The following EIF4G3 variants were observed in gnomAD, a reference collection of about 807,000 sequenced individuals.
The protein encoded by EIF4G3 is eukaryotic translation initiation factor 4 gamma 3.
EIF4G3 carries 34 observed loss-of-function variants against 186.4 expected under a neutral mutation model. That is an observed-to-expected ratio of 0.18 (90% CI 0.14 to 0.24). The LOEUF is 0.24. EIF4G3 is among the 10% of genes least tolerant of loss of function. EIF4G3 has a pLI of 1.00. For missense variants in EIF4G3, 1,536 were observed against 1,948.5 expected, an observed-to-expected ratio of 0.79 and a Z score of 3.99; for synonymous variants, 673 against 679.5, an observed-to-expected ratio of 0.99 and a Z score of 0.15.
chr1:21,043,137 A>G (rs561303383), intron 4 of EIF4G3, among the ~76,000 whole-genome samples: 10 of 152,164 alleles, frequency 6.6e-5, no homozygotes, highest in Non-Finnish European at 1.3e-4. Flanking sequence ...AATAAACAAG[A>G]GTCTCCCAGG....
chr1:20,864,620 T>C lies in EIF4G3; in HGVS notation c.2862A>G (p.Glu954=). The change falls in exon 22 of 37, where the codon GAA becomes GAG. Residue 954 remains glutamate (E), a synonymous_variant. Coordinates refer to ENST00000602326, the MANE Select transcript of EIF4G3 (RefSeq NM_001391906.1). ...RSIGNIKFIG[E]LFKLKMLTEA... is the part of the protein sequence containing the mutation. ...CAGTCAGCATTTTGAGTTTAAAGAGTTCTCCAATAAACTTGATGTTGCCAA... is the reference window on the plus strand; with the variant it reads ...CAGTCAGCATTTTGAGTTTAAAGAGCTCTCCAATAAACTTGATGTTGCCAA... 1 of 1,614,080 alleles carries C rather than the reference T, an allele frequency of 6.2e-7. No individual in the cohort carries two copies. The highest frequency in any genetic ancestry group is 8.5e-7 in the Non-Finnish European group (1 of 1,180,000).
chr1:20,969,918 T>TTTAAGTATATATATATAAGTATATATA (rs1347972570), intron 11 of EIF4G3, among the ~76,000 whole-genome samples: 71 of 152,354 alleles, frequency 4.7e-4, no homozygotes, highest in Non-Finnish European at 1.0e-3. Flanking sequence ...CATACAAGTT[T>TTTAAGTATATATATATAAGTATATATA]CATAAAATAC....
At chr1:20,862,006 A>G (rs559614013) in intron 23 of EIF4G3, among the ~76,000 whole-genome samples, 5 of 152,240 alleles carry the variant, frequency 3.3e-5, no homozygotes, top group Admixed American at 1.3e-4. Flanking sequence ...CAAAATTGCA[A>G]TATGGTTTGA....
intron 2 of EIF4G3, among the ~76,000 whole-genome samples, chr1:21,147,572 C>G (rs916838367): frequency 1.5e-4 from 23 of 152,006 alleles, no homozygotes; most frequent in Admixed American, 1.3e-3. Context: ...ACCTCGTGAT[C>G]TGCCCACCTC....
In EIF4G3 at chr1:20,817,445, T is replaced by C. The variant is rs1408362348; in HGVS notation, c.4462A>G (p.Lys1488Glu). ...SAEELYKRLEKLIIEDKANDE... is the reference protein window; with the variant it reads ...SAEELYKRLEELIIEDKANDE... ...TTCGCTTTGTCCTCAATAATGAGTT[T>C]CTCGAGTCGCTTATACAGCTCTTCG... Residue 1488 changes from lysine to glutamate, a missense_variant, in exon 34 of 37, where the codon AAA (lysine) becomes GAA (glutamate). Around this residue, in one of 11 missense-constraint regions of EIF4G3, gnomAD observed 395 missense variants for 498.9 expected, o/e 0.79. Coordinates refer to ENST00000602326, the MANE Select transcript of EIF4G3 (RefSeq NM_001391906.1). The C allele has an allele frequency of 1.9e-6, 3 of 1,609,752 alleles. No individual in the cohort carries two copies. Among genetic ancestry groups the C allele is most frequent in the Non-Finnish European group, 2.5e-6 (3 of 1,177,578 alleles).
intron 20 of EIF4G3, among the ~76,000 whole-genome samples, chr1:20,872,701 T>A (rs2079548475): frequency 6.8e-6 from 1 of 146,652 alleles, no homozygotes. Flanking sequence ...TAGACTTTTA[T>A]AACTTTCTTG....
chr1:20,998,933 C>T (rs1376058092), intron 6 of EIF4G3: 4 of 281,644 alleles, frequency 1.4e-5, no homozygotes, highest in Non-Finnish European at 1.5e-5. Context: ...CTTAACACTA[C>T]AGATGAATTA....
intron 2 of EIF4G3, among the ~76,000 whole-genome samples, chr1:21,103,218 T>C (rs1287432028): frequency 6.6e-6 from 1 of 152,172 alleles, no homozygotes; most frequent in Admixed American, 6.5e-5. Context: ...AGCTGAACTC[T>C]ACTCCTATAC....
At chr1:21,097,891 TG>T (rs1302547194) in intron 2 of EIF4G3, among the ~76,000 whole-genome samples, 8 of 152,076 alleles carry the variant, frequency 5.3e-5, no homozygotes, top group African/African-American at 1.9e-4. Flanking sequence ...ACTGTTATCT[TG>T]GATTAGGCCA....
At chr1:20,839,556 G>A (rs1280477679) in intron 30 of EIF4G3, among the ~76,000 whole-genome samples, 1 of 152,182 alleles carries the variant, frequency 6.6e-6, no homozygotes, top group Non-Finnish European at 1.5e-5. Flanking sequence ...GTGCAGTGGT[G>A]CAACCTTGGC....
At chr1:21,001,144 C>T (rs1395508) in intron 6 of EIF4G3, 55 bp downstream of exon 6, 458,339 of 468,890 alleles carry the variant, frequency 0.98, 224,800 homozygotes, top group East Asian at 1. Flanking sequence ...GTCAAAAATA[C>T]TAAGTGCCAG....
At chr1:20,812,012 G>A (rs921057378) in intron 35 of EIF4G3, among the ~76,000 whole-genome samples, 2 of 152,136 alleles carry the variant, frequency 1.3e-5, no homozygotes, top group Admixed American at 1.3e-4. Context: ...CCTTTTGAGG[G>A]AAAGGAATGA....
rs1448996691 is a variant in EIF4G3, at chr1:20,899,963, A to T, written c.1753-20T>A. On this transcript the variant is annotated intron_variant, in intron 15 of 36. Transcript: ENST00000602326. ...TTTAAGCTAAATAATAAATGAACAA[A>T]GAGGTTACATTTTTTTCCACGGGTG... 6 of 1,594,056 alleles carry T rather than the reference A, an allele frequency of 3.8e-6. No individual in the cohort carries two copies. Among genetic ancestry groups the T allele is most frequent in the Admixed American group, 1.8e-5 (1 of 55,350 alleles).
At chr1:20,956,617 C>CAAAAAAAAA (rs61623629) in intron 12 of EIF4G3, among the ~76,000 whole-genome samples, 1 of 114,574 alleles carries the variant, frequency 8.7e-6, no homozygotes, top group Non-Finnish European at 1.7e-5. Flanking sequence ...GTATAATTTA[C>CAAAAAAAAA]AAAAAAAAAA....
At chr1:20,919,958 G>C (rs1234027869) in intron 14 of EIF4G3, among the ~76,000 whole-genome samples, 4 of 144,610 alleles carry the variant, frequency 2.8e-5, no homozygotes, top group South Asian at 4.4e-4. Flanking sequence ...CCAGGCTGGA[G>C]TGCAATGGCG....
chr1:20,894,067 T>C lies in EIF4G3; in HGVS notation c.2134-431A>G, dbSNP rs530933114. 3.9e-5 allele frequency among the ~76,000 whole-genome samples: 6 copies of C among 152,188 alleles called. No individual in the cohort carries two copies. In the South Asian group the frequency reaches 1.0e-3, roughly 26 times the overall value. On this transcript the variant is annotated intron_variant, in intron 17 of 36. Transcript: ENST00000602326. ...TTTTAGTTTTGATGCTGTAGACTTA[T>C]GGTTAGTAAAGAATGTACTATGAGT...
At chr1:20,967,753 G>A (rs2075008287) in intron 12 of EIF4G3, among the ~76,000 whole-genome samples, 1 of 152,128 alleles carries the variant, frequency 6.6e-6, no homozygotes, top group Non-Finnish European at 1.5e-5. Flanking sequence ...ATATTTTTAT[G>A]AACTTTTTAT....
intron 2 of EIF4G3, among the ~76,000 whole-genome samples, chr1:21,129,011 TC>T (rs1306004983): frequency 6.6e-6 from 1 of 152,068 alleles, no homozygotes; most frequent in African/African-American, 2.4e-5. Flanking sequence ...AAAGAGATGG[TC>T]GGTTGTAATA....
intron 12 of EIF4G3, among the ~76,000 whole-genome samples, chr1:20,953,331 G>A (rs1275701342): frequency 1.3e-5 from 2 of 152,114 alleles, no homozygotes; most frequent in Non-Finnish European, 2.9e-5. Flanking sequence ...AAAATAAAGT[G>A]TTTCTCACTT....
Sources: gnomAD v4.1 joint callset for allele counts (sites outside exome capture counted in the v4.1 genomes callset) on GRCh38, gnomAD v4.1.1 for gene constraint, gnomAD v4.1.1 regional missense constraint, MANE v1.5 for transcripts, NCBI Gene and HGNC (gene_info 2026-07-23, HGNC 2026-07-21) for gene names.